CELF2: variants seen among roughly 807,000 people sequenced by gnomAD.
CELF2 encodes CUGBP Elav-like family member 2.
A neutral mutation model predicts 62.6 loss-of-function variants in CELF2; 8 were observed. The observed-to-expected ratio is 0.13, with a 90% CI of 0.07 to 0.23. The LOEUF (loss-of-function observed/expected upper bound fraction) is 0.23. Among genes scored for constraint, CELF2 ranks in the 10% least tolerant of loss-of-function variants. The pLI is 1.00. For missense variants in CELF2, 333 were observed against 671.0 expected, an observed-to-expected ratio of 0.50 and a Z score of 5.56; for synonymous variants, 258 against 250.0, an observed-to-expected ratio of 1.03 and a Z score of -0.30.
the CELF2 span, among the ~76,000 whole-genome samples, chr10:10,636,786 A>T: frequency 6.6e-6 from 1 of 152,164 alleles, no homozygotes; most frequent in South Asian, 2.1e-4. Context: ...TGTGAAGATG[A>T]TCTGTAAGAG....
chr10:11,204,746 A>G (rs970254869), intron 2 of CELF2, among the ~76,000 whole-genome samples: 3 of 152,240 alleles, frequency 2.0e-5, no homozygotes, highest in Non-Finnish European at 2.9e-5. Flanking sequence ...CCTGACACAC[A>G]TGGTGGTCTG....
chr10:11,083,775 A>G (rs989247148), intron 1 of CELF2, among the ~76,000 whole-genome samples: 3 of 152,202 alleles, frequency 2.0e-5, no homozygotes, highest in Admixed American at 2.0e-4. Flanking sequence ...GAACCTCTCC[A>G]TACCCCAGTG....
intron 1 of CELF2, among the ~76,000 whole-genome samples, chr10:11,103,191 G>C (rs987968448): frequency 6.6e-6 from 1 of 151,888 alleles, no homozygotes; most frequent in Admixed American, 6.6e-5. Context: ...ATCAGAATTC[G>C]AAAAAAATCC....
chr10:10,802,193 C>A (rs914036702), intron 1 of CELF2, among the ~76,000 whole-genome samples: 1 of 152,174 alleles, frequency 6.6e-6, no homozygotes, highest in African/African-American at 2.4e-5. Context: ...ATAAAATAGG[C>A]TGGGCACAGT....
chr10:11,134,475 G>A (rs2060109483), intron 1 of CELF2, among the ~76,000 whole-genome samples: 1 of 152,214 alleles, frequency 6.6e-6, no homozygotes, highest in Non-Finnish European at 1.5e-5. Context: ...GAGCTGCTGG[G>A]TGATTGGACA....
chr10:10,725,613 C>A, the CELF2 span, among the ~76,000 whole-genome samples: 1 of 152,146 alleles, frequency 6.6e-6, no homozygotes, highest in African/African-American at 2.4e-5. Flanking sequence ...GAGAGCCAGA[C>A]GGACTTGTTT....
intron 2 of CELF2, among the ~76,000 whole-genome samples, chr10:11,179,969 C>T (rs139908323): frequency 3.9e-5 from 6 of 152,326 alleles, no homozygotes; most frequent in African/African-American, 1.2e-4. Flanking sequence ...CACTCGGACT[C>T]CTAGCCCCCT....
At chr10:11,050,257 G>T (rs2022377) in intron 1 of CELF2, among the ~76,000 whole-genome samples, 1 of 152,114 alleles carries the variant, frequency 6.6e-6, no homozygotes, top group African/African-American at 2.4e-5. Flanking sequence ...TCAGAGAGAA[G>T]TCCAGTGTAA....
the CELF2 span, among the ~76,000 whole-genome samples, chr10:10,472,153 GA>G: frequency 1.3e-5 from 2 of 151,714 alleles, no homozygotes; most frequent in Non-Finnish European, 2.9e-5. Flanking sequence ...AAATTTGGGG[GA>G]AATTCTGTAA....
chr10:10,778,861 T>C, the CELF2 span, among the ~76,000 whole-genome samples: 1 of 152,200 alleles, frequency 6.6e-6, no homozygotes, highest in Non-Finnish European at 1.5e-5. Context: ...AATTAAAATT[T>C]GTGCTGGGAG....
the CELF2 span, among the ~76,000 whole-genome samples, chr10:10,474,944 G>C: frequency 6.6e-6 from 1 of 152,018 alleles, no homozygotes; most frequent in Admixed American, 6.6e-5. Flanking sequence ...GGGTTCACTG[G>C]TGAATTAGGA....
At chr10:10,873,522 G>A (rs940522878) in intron 1 of CELF2, among the ~76,000 whole-genome samples, 1 of 152,172 alleles carries the variant, frequency 6.6e-6, no homozygotes, top group Non-Finnish European at 1.5e-5. Flanking sequence ...TGTTTAGTAA[G>A]ATGAATTGCA....
At chr10:10,927,438 A>AT (rs951990978) in intron 2 of CELF2, among the ~76,000 whole-genome samples, 2 of 145,612 alleles carry the variant, frequency 1.4e-5, no homozygotes, top group East Asian at 2.0e-4. Context: ...TTATTTATTT[A>AT]TTTTTTTTGA....
intron 2 of CELF2, among the ~76,000 whole-genome samples, chr10:11,166,220 A>T (rs1282233429): frequency 6.6e-6 from 1 of 152,132 alleles, no homozygotes; most frequent in African/African-American, 2.4e-5. Context: ...TCAGGTGGGG[A>T]CCGTGAGGTG....
At chr10:11,083,277 G>C (rs1275375278) in intron 1 of CELF2, among the ~76,000 whole-genome samples, 3 of 152,200 alleles carry the variant, frequency 2.0e-5, no homozygotes, top group Non-Finnish European at 4.4e-5. Flanking sequence ...ATTGGGGACT[G>C]TGCCAACTGG....
chr10:11,273,814 C>T (rs570126507), intron 7 of CELF2, among the ~76,000 whole-genome samples: 1 of 152,158 alleles, frequency 6.6e-6, no homozygotes, highest in South Asian at 2.1e-4. Context: ...CTCCATCTCC[C>T]AGGCTCAAGC....
the CELF2 span, among the ~76,000 whole-genome samples, chr10:10,602,175 T>C: frequency 6.6e-6 from 1 of 152,230 alleles, no homozygotes; most frequent in African/African-American, 2.4e-5. Context: ...GTCTTTGCTA[T>C]TGTGAATAGT....
At position 11,103,040 on chromosome 10, in the gene CELF2, T is replaced by G. The variant is rs371636915; in HGVS notation, c.75-62446T>G. On this transcript the variant is annotated intron_variant, in intron 1 of 12. Coordinates refer to ENST00000633077, the MANE Select transcript of CELF2 (RefSeq NM_001326342.2). ...TTACTCCCTATTCAGAATTCTCCAG[T>G]GCCTCTCCTTTGCCTAATGGTTAAT... 4.6e-5 allele frequency among the ~76,000 whole-genome samples: 7 copies of G among 152,326 alleles called. No homozygotes were observed. In the South Asian group the frequency reaches 6.2e-4, roughly 14 times the overall value.
intron 1 of CELF2, among the ~76,000 whole-genome samples, chr10:10,824,911 T>A (rs1254094699): frequency 6.6e-6 from 1 of 152,230 alleles, no homozygotes; most frequent in Non-Finnish European, 1.5e-5. Context: ...AACATGGACC[T>A]GGGCCACCTA....
Sources: gnomAD v4.1 joint callset for allele counts (sites outside exome capture counted in the v4.1 genomes callset) on GRCh38, gnomAD v4.1.1 for gene constraint, MANE v1.5 for transcripts, NCBI Gene and HGNC (gene_info 2026-07-23, HGNC 2026-07-21) for gene names.